Variants in TNS3 observed in about 807,000 individuals in gnomAD.
The protein encoded by TNS3 is tensin 3.
In TNS3, 45 loss-of-function variants were observed where a neutral mutation model predicts 140.9. That is an observed-to-expected ratio of 0.32 (90% CI 0.25 to 0.41). The LOEUF is 0.41. TNS3 is among the 10% of genes least tolerant of loss of function. The pLI is 1.00. For missense variants in TNS3, 1,716 were observed against 1,906.7 expected (o/e 0.90, Z 1.86); for synonymous variants, 815 against 788.4 (o/e 1.03, Z -0.56).
intron 16 of TNS3, among the ~76,000 whole-genome samples, chr7:47,391,003 G>C (rs753133090): frequency 1.4e-4 from 21 of 152,114 alleles, no homozygotes; most frequent in Admixed American, 6.5e-5. Context: ...CAGCAAAGAA[G>C]CCAGGCTCAG....
Position 47,329,536 on chromosome 7 carries a change from C to T in TNS3, c.2650+15219G>A, listed in dbSNP as rs914363421. On this transcript the variant is annotated intron_variant, in intron 20 of 30. Transcript: ENST00000311160. Reference sequence around the variant, plus strand: ...TTGCCTGGGACCCTCAGGGCCACCGCTCCGCACATGGGCCAGGAAGATCCC... The same window carrying T: ...TTGCCTGGGACCCTCAGGGCCACCGTTCCGCACATGGGCCAGGAAGATCCC... Among the ~76,000 whole-genome samples, 4 of 152,316 alleles carry T rather than the reference C, an allele frequency of 2.6e-5. 1 individual carries two copies. The South Asian group carries it at 8.3e-4, about 32-fold the overall frequency.
intron 4 of TNS3, chr7:47,470,323 C>A (rs1367402577): frequency 7.4e-6 from 4 of 538,578 alleles, no homozygotes; most frequent in Non-Finnish European, 7.1e-6. Context: ...CACTCTATAT[C>A]TAAAATAAAA....
intron 4 of TNS3, among the ~76,000 whole-genome samples, chr7:47,455,996 TCA>T (rs1796229990): frequency 6.6e-6 from 1 of 152,158 alleles, no homozygotes; most frequent in South Asian, 2.1e-4. Context: ...AAGCCCGGGC[TCA>T]AGGAGCCCAA....
At chr7:47,522,651 G>A (rs6970877) in intron 2 of TNS3, among the ~76,000 whole-genome samples, 35,969 of 152,148 alleles carry the variant, frequency 0.24, 4,424 homozygotes, top group East Asian at 0.4. Context: ...TTTCTAGGCC[G>A]GGCACGGTGG....
intron 13 of TNS3, among the ~76,000 whole-genome samples, chr7:47,405,113 A>T (rs1170653032): frequency 6.6e-6 from 1 of 151,998 alleles, no homozygotes; most frequent in Admixed American, 6.6e-5. Flanking sequence ...TTTATTTCAA[A>T]CTCTCCATCA....
intron 4 of TNS3, among the ~76,000 whole-genome samples, chr7:47,442,697 T>C (rs112700347): frequency 0.055 from 8,311 of 152,012 alleles, 598 homozygotes; most frequent in African/African-American, 0.16. Flanking sequence ...ATGGCAGAGG[T>C]GAATGGGGAA....
intron 25 of TNS3, among the ~76,000 whole-genome samples, chr7:47,293,227 CA>C (rs1387178882): frequency 6.6e-6 from 1 of 152,144 alleles, no homozygotes; most frequent in Non-Finnish European, 1.5e-5. Flanking sequence ...CAACTTCAAC[CA>C]TATATATTAC....
At position 47,529,130 on chromosome 7, in the gene TNS3, C is replaced by T. The variant is rs1330874172; in HGVS notation, c.-247G>A. The stretch of plus-strand genomic sequence containing the variant: ...CCTTGTTCTTAAAAGCGTGCAGACT[C>T]GAGGTTAATTCTTCCGGCTGAAAAA... On this transcript the variant is annotated 5_prime_UTR_variant, in exon 2 of 31. Coordinates refer to ENST00000311160, the MANE Select transcript of TNS3 (RefSeq NM_022748.12). 4 of 1,281,856 alleles carry T rather than the reference C, an allele frequency of 3.1e-6. No individual in the cohort carries two copies. Among genetic ancestry groups the T allele is most frequent in the Non-Finnish European group, 3.0e-6 (3 of 986,228 alleles). 79.4% of individuals were successfully genotyped at this position (1,281,856 alleles called of 1,614,324 possible).
chr7:47,416,148 T>A (rs1350650266), intron 10 of TNS3, among the ~76,000 whole-genome samples: 1 of 152,216 alleles, frequency 6.6e-6, no homozygotes, highest in Admixed American at 6.5e-5. Flanking sequence ...AGTACTGTAC[T>A]CTTTGCAAGA....
chr7:47,516,650 C>G (rs1368565078), intron 2 of TNS3, among the ~76,000 whole-genome samples: 1 of 152,236 alleles, frequency 6.6e-6, no homozygotes, highest in Non-Finnish European at 1.5e-5. Flanking sequence ...AATGCCCCAT[C>G]TACACATGCG....
At chr7:47,397,213 C>T (rs1792885721) in intron 15 of TNS3, among the ~76,000 whole-genome samples, 2 of 152,166 alleles carry the variant, frequency 1.3e-5, no homozygotes, top group South Asian at 2.1e-4. Context: ...GACACAGAGG[C>T]CCGGTAAGCT....
intron 23 of TNS3, among the ~76,000 whole-genome samples, chr7:47,301,493 C>T (rs1786398250): frequency 6.6e-6 from 1 of 152,186 alleles, no homozygotes; most frequent in Non-Finnish European, 1.5e-5. Flanking sequence ...TGCCCAGGGG[C>T]TGTCTCCAAG....
chr7:47,414,104 T>C (rs1793940712), intron 11 of TNS3, 107 bp from the exon 12 acceptor site: 1 of 1,198,966 alleles, frequency 8.3e-7, no homozygotes, highest in Non-Finnish European at 1.2e-6. Context: ...AGACTGCACC[T>C]GCGGCCTTTG....
At chr7:47,553,894 C>T (rs932505730) in intron 1 of TNS3, among the ~76,000 whole-genome samples, 2 of 151,942 alleles carry the variant, frequency 1.3e-5, no homozygotes, top group Non-Finnish European at 2.9e-5. Context: ...CAACCTCCAC[C>T]TCGAGGTTCA....
At chr7:47,511,197 T>C (rs191795832) in intron 2 of TNS3, among the ~76,000 whole-genome samples, 1 of 152,328 alleles carries the variant, frequency 6.6e-6, no homozygotes, top group East Asian at 1.9e-4. Context: ...AGTTCTGGTG[T>C]AGAATCAAAA....
chr7:47,302,276 T>C lies in TNS3; in HGVS notation c.3458-4A>G, dbSNP rs1214609928. 1 of 1,612,808 alleles carries C rather than the reference T, an allele frequency of 6.2e-7. No individual in the cohort carries two copies. The highest frequency in any genetic ancestry group is 8.5e-7 in the Non-Finnish European group (1 of 1,178,844). On this transcript the variant is annotated splice_region_variant and splice_polypyrimidine_tract_variant and intron_variant, in intron 22 of 30. Coordinates refer to ENST00000311160, the MANE Select transcript of TNS3 (RefSeq NM_022748.12). The stretch of plus-strand genomic sequence containing the variant: ...ACAAGTTTATCACCTGGACTATCTG[T>C]AAAGCAAAATTTAAAAACAGTGACC...
At chr7:47,356,547 T>C (rs935780653) in intron 17 of TNS3, among the ~76,000 whole-genome samples, 2 of 152,186 alleles carry the variant, frequency 1.3e-5, no homozygotes, top group Admixed American at 6.5e-5. Context: ...CAAGACAAAG[T>C]GTCCAACCTC....
chr7:47,371,558 G>T (rs575476230), intron 16 of TNS3, among the ~76,000 whole-genome samples: 74 of 152,322 alleles, frequency 4.9e-4, no homozygotes, highest in African/African-American at 1.7e-3. Flanking sequence ...CCACAAAGAG[G>T]TGGCATTGAA....
chr7:47,376,348 G>A (rs897760363), intron 16 of TNS3, among the ~76,000 whole-genome samples: 4 of 152,338 alleles, frequency 2.6e-5, no homozygotes, highest in South Asian at 2.1e-4. Context: ...GGTGAGCCAG[G>A]TGAGGCTGCA....
Sources: allele counts gnomAD v4.1 joint callset (sites outside exome capture counted in the v4.1 genomes callset), GRCh38; gene constraint gnomAD v4.1.1; transcripts MANE v1.5; gene names NCBI Gene and HGNC (gene_info 2026-07-23, HGNC 2026-07-21).